CDH4: variants seen among roughly 807,000 people sequenced by gnomAD.
CDH4 encodes cadherin-4.
A neutral mutation model predicts 86.0 loss-of-function variants in CDH4; 33 were observed. The ratio of observed to expected loss-of-function variants is 0.38; its 90% confidence interval spans 0.29 to 0.51. The LOEUF is 0.51. Ranked by LOEUF, CDH4 falls within the 20% of genes least tolerant of loss-of-function variation. The probability of loss-of-function intolerance (pLI) is 0.86; values close to 1 mark genes in which losing one functional copy is unlikely to be tolerated. For missense variants in CDH4, 1,114 were observed against 1,307.4 expected (o/e 0.85, Z 2.28); for synonymous variants, 555 against 549.4 (o/e 1.01, Z -0.14).
At chr20:61,892,350 A>G in intron 7 of CDH4, among the ~76,000 whole-genome samples, 1 of 152,234 alleles carries the variant, frequency 6.6e-6, no homozygotes, top group Non-Finnish European at 1.5e-5. Flanking sequence ...TGTTGGGCCC[A>G]CGTTTGACCC....
chr20:61,934,114 C>T lies in CDH4; in HGVS notation c.2438C>T (p.Ala813Val). ...PEAMGHVPSK[A>V]PGVRRVDERP... ...GCCATGGGGCACGTGCCAAGCAAAG[C>T]CCCTGGCGTGCGTCGCGTGGATGAG... The change falls in exon 15 of 16, where the codon GCC becomes GTC. Residue 813 changes from alanine (A) to valine (V), a missense_variant. By Grantham distance (64) the Ala-to-Val change is moderately conservative. Around this residue, in one of 3 missense-constraint regions of CDH4, gnomAD observed 188 missense variants for 183.8 expected, o/e 1.02. Coordinates refer to ENST00000614565, the MANE Select transcript of CDH4 (RefSeq NM_001794.5). 6.2e-7 allele frequency: 1 copy of T among 1,611,464 alleles called. No individual in the cohort carries two copies. The highest frequency in any genetic ancestry group is 8.5e-7 in the Non-Finnish European group (1 of 1,179,756).
intron 3 of CDH4, among the ~76,000 whole-genome samples, chr20:61,768,984 G>A (rs1377104473): frequency 6.6e-6 from 1 of 152,168 alleles, no homozygotes; most frequent in Admixed American, 6.5e-5. Context: ...TGGTTCTGAA[G>A]CACCACCAGG....
At chr20:61,930,258 G>A (rs1330546451) in intron 13 of CDH4, among the ~76,000 whole-genome samples, 1 of 152,218 alleles carries the variant, frequency 6.6e-6, no homozygotes, top group African/African-American at 2.4e-5. Flanking sequence ...ACTGGCTTGG[G>A]TCACATGCAC....
chr20:61,922,852 C>G (rs1201830609), intron 9 of CDH4, among the ~76,000 whole-genome samples: 1 of 152,260 alleles, frequency 6.6e-6, no homozygotes, highest in Non-Finnish European at 1.5e-5. Context: ...AACTCCTGGG[C>G]TCAAGCGATC....
chr20:61,422,739 G>C (rs934494827), intron 2 of CDH4, among the ~76,000 whole-genome samples: 1 of 152,136 alleles, frequency 6.6e-6, no homozygotes, highest in African/African-American at 2.4e-5. Flanking sequence ...GGAGGCTTCT[G>C]AGAGTTCCTG....
intron 2 of CDH4, among the ~76,000 whole-genome samples, chr20:61,331,550 A>G (rs1320891139): frequency 6.2e-4 from 2 of 3,244 alleles, no homozygotes; most frequent in African/African-American, 2.4e-3. Context: ...TACAGGTCTC[A>G]GCTCAAACCC....
intron 2 of CDH4, among the ~76,000 whole-genome samples, chr20:61,262,530 G>C (rs1202338665): frequency 6.6e-6 from 1 of 152,178 alleles, no homozygotes; most frequent in East Asian, 1.9e-4. Flanking sequence ...TCCAAGACCT[G>C]TGGCTTCTTT....
intron 2 of CDH4, among the ~76,000 whole-genome samples, chr20:61,514,008 C>T (rs1369866301): frequency 6.6e-6 from 1 of 152,250 alleles, no homozygotes; most frequent in Non-Finnish European, 1.5e-5. Flanking sequence ...GAGACCTGAC[C>T]TCCTGGCTGG....
At chr20:61,613,269 G>T (rs531642110) in intron 2 of CDH4, among the ~76,000 whole-genome samples, 4 of 152,114 alleles carry the variant, frequency 2.6e-5, no homozygotes, top group Non-Finnish European at 5.9e-5. Flanking sequence ...TTAAAGACCA[G>T]AGAGACACAG....
intron 2 of CDH4, among the ~76,000 whole-genome samples, chr20:61,267,100 T>C (rs1281564476): frequency 6.6e-6 from 1 of 152,118 alleles, no homozygotes; most frequent in African/African-American, 2.4e-5. Context: ...TCCCCTAGAA[T>C]CTGCAGAGAG....
chr20:61,718,813 C>T (rs1171106172), intron 2 of CDH4: 2 of 471,232 alleles, frequency 4.2e-6, no homozygotes, highest in South Asian at 3.1e-5. Flanking sequence ...GCTGCACCCA[C>T]CATCCCGGGC....
chr20:61,748,087 C>T lies in CDH4; in HGVS notation c.396+4298C>T, dbSNP rs560048459. ...GCTGACTTCTCCGCAGGAGCTGGGG[C>T]GTTGTGGGGGGGTTGGAAGACCGTT... On this transcript the variant is annotated intron_variant, in intron 3 of 15. Transcript: ENST00000614565. Among the ~76,000 whole-genome samples, 16 of 152,230 alleles carry T rather than the reference C, an allele frequency of 1.1e-4. No individual in the cohort carries two copies. The East Asian group carries it at 1.2e-3, about 11-fold the overall frequency.
chr20:61,927,619 G>A (rs2055058349), intron 11 of CDH4, among the ~76,000 whole-genome samples: 1 of 152,258 alleles, frequency 6.6e-6, no homozygotes, highest in Non-Finnish European at 1.5e-5. Flanking sequence ...ACTCAGGGAG[G>A]CAAGGAAAGG....
intron 2 of CDH4, among the ~76,000 whole-genome samples, chr20:61,359,300 T>C (rs768697721): frequency 2.7e-4 from 41 of 152,268 alleles, no homozygotes; most frequent in Admixed American, 4.6e-4. Context: ...AGGTCACTCA[T>C]TTGTCAGCTA....
chr20:61,402,906 A>G (rs919769694), intron 2 of CDH4, among the ~76,000 whole-genome samples: 5 of 152,130 alleles, frequency 3.3e-5, no homozygotes, highest in African/African-American at 1.2e-4. Flanking sequence ...TTTCTTCCTT[A>G]TTTACAGATC....
chr20:61,903,016 CAAAAAAA>C (rs58490650), intron 8 of CDH4, among the ~76,000 whole-genome samples: 4 of 83,102 alleles, frequency 4.8e-5, no homozygotes, highest in African/African-American at 4.4e-5. Context: ...AAGACTGTCT[CAAAAAAA>C]AAAAAAAAAA....
chr20:61,445,220 A>G (rs979070722), intron 2 of CDH4, among the ~76,000 whole-genome samples: 5 of 152,064 alleles, frequency 3.3e-5, no homozygotes, highest in South Asian at 4.1e-4. Flanking sequence ...TCTGGAATCA[A>G]TGGAGCTGGG....
At chr20:61,372,057 C>T (rs1452549953) in intron 2 of CDH4, among the ~76,000 whole-genome samples, 2 of 152,196 alleles carry the variant, frequency 1.3e-5, no homozygotes, top group Non-Finnish European at 2.9e-5. Context: ...GTTTGGATTC[C>T]ATACTTTTGC....
intron 2 of CDH4, among the ~76,000 whole-genome samples, chr20:61,652,938 A>ATTTATTTAT (rs1555819716): frequency 1.0e-5 from 1 of 97,440 alleles, no homozygotes; most frequent in Non-Finnish European, 2.4e-5. Context: ...TTATTTATTT[A>ATTTATTTAT]TTTTTTTTTT....
Sources: allele counts gnomAD v4.1 joint callset (sites outside exome capture counted in the v4.1 genomes callset), GRCh38; gene constraint gnomAD v4.1.1; regional missense constraint gnomAD v4.1.1; transcripts MANE v1.5; gene names NCBI Gene and HGNC (gene_info 2026-07-23, HGNC 2026-07-21).